RC3H1: variants seen among roughly 807,000 people sequenced by gnomAD.
RC3H1 encodes ring finger and CCCH-type domains 1.
A neutral mutation model predicts 138.2 loss-of-function variants in RC3H1; 50 were observed. That is an observed-to-expected ratio of 0.36 (90% CI 0.29 to 0.46). The LOEUF (loss-of-function observed/expected upper bound fraction) is 0.46. RC3H1 is among the 20% of genes least tolerant of loss of function. The pLI is 1.00. For missense variants in RC3H1, 1,031 were observed against 1,388.1 expected, an observed-to-expected ratio of 0.74 and a Z score of 4.09; for synonymous variants, 462 against 489.1, an observed-to-expected ratio of 0.94 and a Z score of 0.73.
At chr1:173,955,844 T>A (rs1357109866) in intron 13 of RC3H1, among the ~76,000 whole-genome samples, 1 of 152,126 alleles carries the variant, frequency 6.6e-6, no homozygotes, top group Non-Finnish European at 1.5e-5. Context: ...AAAAGTTGGA[T>A]GACTGGCCAG....
intron 13 of RC3H1, among the ~76,000 whole-genome samples, chr1:173,959,008 G>A (rs1659758708): frequency 6.6e-6 from 1 of 152,038 alleles, no homozygotes; most frequent in Admixed American, 6.6e-5. Flanking sequence ...GAAGCCTACA[G>A]CAAACATGAT....
Position 173,943,530 on chromosome 1 carries a change from C to G in RC3H1, c.3047G>C (p.Trp1016Ser). The G allele has an allele frequency of 6.2e-7, 1 of 1,614,182 alleles. No homozygotes were observed. Among genetic ancestry groups the G allele is most frequent in the Non-Finnish European group, 8.5e-7 (1 of 1,180,022 alleles). ...CTGCTCACTTGAGATCATCCCAGGCCATTTTGGAGGTGGCGGTGGTGGGGG... is the reference window on the plus strand; with the variant it reads ...CTGCTCACTTGAGATCATCCCAGGCGATTTTGGAGGTGGCGGTGGTGGGGG... Reference protein sequence around the residue: ...SQPPPPPPPKWPGMISSEQLS... With the variant: ...SQPPPPPPPKSPGMISSEQLS... The change falls in exon 18 of 20, where the codon TGG becomes TCG. Residue 1016 changes from tryptophan to serine, a missense_variant. Physicochemically the swap from Trp to Ser is radical, Grantham distance 177. Around this residue, in one of 7 missense-constraint regions of RC3H1, gnomAD observed 716 missense variants for 837.9 expected, o/e 0.85. Transcript: ENST00000367696.
Position 174,017,783 on chromosome 1 carries a change from CAA to C in RC3H1, c.-151+4311_-151+4312del, listed in dbSNP as rs61239660. Among the ~76,000 whole-genome samples, 187 of 72,000 alleles carry C rather than the reference CAA, an allele frequency of 2.6e-3. 2 individuals carry two copies. The highest frequency in any genetic ancestry group is 0.01 in the African/African-American group (177 of 17,500). 47.2% of individuals were successfully genotyped at this position (72,000 alleles called of 152,430 possible). On this transcript the variant is annotated intron_variant, in intron 1 of 19. Coordinates refer to ENST00000367696, the MANE Select transcript of RC3H1 (RefSeq NM_172071.4). The stretch of plus-strand genomic sequence containing the variant: ...ACCCCTTTAGAACTCTTTTCTTGCT[CAA>C]AAAAAAAAAAAAAAAAAAAAAAAAA...
chr1:173,972,882 G>T (rs183434545), intron 7 of RC3H1, among the ~76,000 whole-genome samples: 1 of 152,290 alleles, frequency 6.6e-6, no homozygotes, highest in Non-Finnish European at 1.5e-5. Context: ...ACACAATAGT[G>T]GTAACTGTCA....
chr1:173,948,754 T>C (rs1316628828), intron 14 of RC3H1, among the ~76,000 whole-genome samples: 1 of 151,860 alleles, frequency 6.6e-6, no homozygotes, highest in African/African-American at 2.4e-5. Flanking sequence ...CCTGGCTAAT[T>C]AAAAAAATTT....
intron 2 of RC3H1, 52 bp downstream of exon 2, chr1:173,992,697 CACAGAG>C (rs1433309084): frequency 5.0e-5 from 53 of 1,059,634 alleles, no homozygotes; most frequent in Non-Finnish European, 6.9e-5. Context: ...CACACACACA[CACAGAG>C]AGAGAGAGAG....
At position 173,964,129 on chromosome 1, in the gene RC3H1, G is replaced by C. The variant is rs1406336586; in HGVS notation, c.1675C>G (p.Pro559Ala). ...GGAGGCAGATCTGCTGGCCCCCTTG[G>C]AGGTATAGAATGTGGATTCACAGGT... Reference protein sequence around the residue: ...ALPVNPHSIPPRGPADLPPMP... With the variant: ...ALPVNPHSIPARGPADLPPMP... Residue 559 changes from proline (P) to alanine (A), a missense_variant, in exon 11 of 20, where the codon CCA (proline) becomes GCA (alanine). Pro to Ala is a conservative substitution (Grantham distance 27). Around this residue, in one of 7 missense-constraint regions of RC3H1, gnomAD observed 716 missense variants for 837.9 expected, o/e 0.85. Coordinates refer to ENST00000367696, the MANE Select transcript of RC3H1 (RefSeq NM_172071.4). 3 of 1,614,000 alleles carry C rather than the reference G, an allele frequency of 1.9e-6. No individual in the cohort carries two copies. The highest frequency in any genetic ancestry group is 2.5e-6 in the Non-Finnish European group (3 of 1,180,014).
intron 8 of RC3H1, among the ~76,000 whole-genome samples, chr1:173,971,431 G>A (rs559316305): frequency 6.6e-6 from 1 of 152,236 alleles, no homozygotes; most frequent in Non-Finnish European, 1.5e-5. Flanking sequence ...AGAATATTCT[G>A]TAACTAATTC....
chr1:174,016,930 C>T (rs1245738354), intron 1 of RC3H1, among the ~76,000 whole-genome samples: 1 of 152,052 alleles, frequency 6.6e-6, no homozygotes, highest in Non-Finnish European at 1.5e-5. Flanking sequence ...TAAACAACTG[C>T]CTTTGTAACA....
rs1658536022 is a variant in RC3H1, at chr1:173,935,275, G to A, written c.*3446C>T. 6.6e-6 allele frequency: 1 copy of A among 152,046 alleles called. No homozygotes were observed. Among genetic ancestry groups the A allele is most frequent in the Admixed American group, 6.6e-5 (1 of 15,262 alleles). 9.4% of individuals were successfully genotyped at this position (152,046 alleles called of 1,614,324 possible). A position where few individuals can be genotyped will look rare whatever the true frequency, so the allele number is the denominator to read the frequency against. On this transcript the variant is annotated 3_prime_UTR_variant, in exon 20 of 20. Transcript: ENST00000367696. ...AAGAGCTACATATAAACCAGAAATG[G>A]AATCTAGATGTCTTATTCTCAGTTC...
rs891893188 is a variant in RC3H1, at chr1:173,954,039, A to AAAT, written c.2371-1904_2371-1902dup. On this transcript the variant is annotated intron_variant, in intron 13 of 19. Transcript: ENST00000367696. ...GGGCAACAGAGTGAGACTCCATCTCAAATAATAATAATAATAATAATACAG... is the reference window on the plus strand; with the variant it reads ...GGGCAACAGAGTGAGACTCCATCTCAAATAATAATAATAATAATAATAATACAG... 5.8e-4 allele frequency among the ~76,000 whole-genome samples: 88 copies of AAAT among 151,684 alleles called. No homozygotes were observed. The South Asian group carries it at 6.5e-3, about 11-fold the overall frequency.
chr1:173,946,626 G>A lies in RC3H1; in HGVS notation c.2829-18C>T. The A allele has an allele frequency of 6.2e-7, 1 of 1,611,774 alleles. No homozygotes were observed. Among genetic ancestry groups the A allele is most frequent in the Non-Finnish European group, 8.5e-7 (1 of 1,179,034 alleles). On this transcript the variant is annotated intron_variant, in intron 16 of 19. Transcript: ENST00000367696. ...TTCTCTCCCTTTGGTTAGAAAGAAAGTGTGAATCAAATTTTAACATTTCAT... is the reference window on the plus strand; with the variant it reads ...TTCTCTCCCTTTGGTTAGAAAGAAAATGTGAATCAAATTTTAACATTTCAT...
In RC3H1 at chr1:173,943,385, G is replaced by A; in HGVS notation, c.3135+57C>T. ...GATTCTGTGCCTCTAGATAATTCTA[G>A]AGCCACATGAAAGATTTCATTTCAC... On this transcript the variant is annotated intron_variant, in intron 18 of 19. Transcript: ENST00000367696. 2.0e-6 allele frequency: 3 copies of A among 1,529,054 alleles called. No homozygotes were observed. In the South Asian group the frequency reaches 3.7e-5, roughly 19 times the overall value. The allele number at this position is 1,529,054 out of a possible 1,614,324, so 94.7% of individuals were successfully genotyped here.
At chr1:173,995,856 A>T (rs933433506) in intron 1 of RC3H1, among the ~76,000 whole-genome samples, 15 of 152,364 alleles carry the variant, frequency 9.8e-5, no homozygotes, top group African/African-American at 3.4e-4. Flanking sequence ...ATATGTAAAA[A>T]TATGGAAAAC....
chr1:174,013,235 C>T (rs1048958260), intron 1 of RC3H1, among the ~76,000 whole-genome samples: 2 of 151,768 alleles, frequency 1.3e-5, no homozygotes, highest in African/African-American at 4.8e-5. Context: ...TGAGGAAAAA[C>T]TGAGATCATA....
At chr1:174,000,205 T>G (rs1021015557) in intron 1 of RC3H1, among the ~76,000 whole-genome samples, 19 of 152,342 alleles carry the variant, frequency 1.2e-4, no homozygotes, top group African/African-American at 4.6e-4. Context: ...TGTTAAGTAA[T>G]AATGTAGAAA....
At chr1:173,960,930 A>T in intron 13 of RC3H1, 147 bp downstream of exon 13, 2 of 728,792 alleles carry the variant, frequency 2.7e-6, no homozygotes, top group Non-Finnish European at 4.5e-6. Flanking sequence ...AATCAGTTCT[A>T]GATGGATTGT....
intron 13 of RC3H1, among the ~76,000 whole-genome samples, chr1:173,956,945 G>A (rs959664910): frequency 2.6e-5 from 4 of 152,058 alleles, no homozygotes; most frequent in Admixed American, 2.6e-4. Flanking sequence ...AACGAGTCTT[G>A]TTCTGTCATC....
chr1:173,952,402 T>TA (rs35197109), intron 13 of RC3H1, among the ~76,000 whole-genome samples: 6,656 of 47,126 alleles, frequency 0.14, 1,744 homozygotes, highest in African/African-American at 0.5. Flanking sequence ...TAGCAGAAGG[T>TA]AAAAAAAAAA....
Sources: gnomAD v4.1 joint callset for allele counts (sites outside exome capture counted in the v4.1 genomes callset) on GRCh38, gnomAD v4.1.1 for gene constraint, gnomAD v4.1.1 regional missense constraint, MANE v1.5 for transcripts, NCBI Gene and HGNC (gene_info 2026-07-23, HGNC 2026-07-21) for gene names.